RELCH: variants seen among roughly 807,000 people sequenced by gnomAD.
RELCH encodes the protein RAB11 binding and LisH domain, coiled-coil and HEAT repeat containing, also known as RAB11-binding protein RELCH.
RELCH carries 41 observed loss-of-function variants against 150.3 expected under a neutral mutation model. The ratio of observed to expected loss-of-function variants is 0.27; its 90% CI spans 0.21 to 0.35. The LOEUF (loss-of-function observed/expected upper bound fraction) is 0.35. Among genes scored for constraint, RELCH ranks in the 10% least tolerant of loss-of-function variants. RELCH has a pLI of 1.00. For missense variants in RELCH, 1,092 were observed against 1,467.8 expected (o/e 0.74, Z 4.18); for synonymous variants, 478 against 531.8 (o/e 0.90, Z 1.39).
At chr18:62,271,040 C>T (rs1294423185) in intron 20 of RELCH, among the ~76,000 whole-genome samples, 10 of 152,046 alleles carry the variant, frequency 6.6e-5, no homozygotes, top group East Asian at 1.9e-4. Context: ...TGAATAGTGC[C>T]GCAATAAACA....
At chr18:62,297,054 G>C (rs2045444632) in intron 27 of RELCH, among the ~76,000 whole-genome samples, 1 of 152,154 alleles carries the variant, frequency 6.6e-6, no homozygotes, top group Non-Finnish European at 1.5e-5. Context: ...TGAATAAGAG[G>C]AATAATTTAA....
chr18:62,221,006 C>T, intron 2 of RELCH, 31 bp from the exon 3 acceptor site: 2 of 1,560,130 alleles, frequency 1.3e-6, no homozygotes, highest in Non-Finnish European at 1.8e-6. Context: ...GGTTGGATGC[C>T]TGTGTGTGTT....
intron 20 of RELCH, among the ~76,000 whole-genome samples, chr18:62,270,423 G>A (rs1432194709): frequency 2.0e-5 from 3 of 152,124 alleles, no homozygotes; most frequent in Admixed American, 2.0e-4. Flanking sequence ...AACATATGAT[G>A]TGTCTCAAAG....
intron 2 of RELCH, among the ~76,000 whole-genome samples, chr18:62,219,352 T>C (rs1423983093): frequency 2.1e-5 from 3 of 145,516 alleles, no homozygotes; most frequent in Non-Finnish European, 4.5e-5. Flanking sequence ...CATATTTCTA[T>C]CATTCTGGCG....
intron 10 of RELCH, among the ~76,000 whole-genome samples, chr18:62,243,489 T>C (rs2042250733): frequency 6.6e-6 from 1 of 152,114 alleles, no homozygotes; most frequent in Non-Finnish European, 1.5e-5. Context: ...AGACTGAAAA[T>C]GGCAGAATAA....
chr18:62,298,886 G>A (rs2045539790), intron 28 of RELCH, 26 bp downstream of exon 28: 4 of 1,305,678 alleles, frequency 3.1e-6, no homozygotes, highest in African/African-American at 3.0e-5. Flanking sequence ...TTTTTTTAAG[G>A]CTACATGTTA....
intron 10 of RELCH, among the ~76,000 whole-genome samples, chr18:62,241,485 A>C (rs2042145558): frequency 6.6e-6 from 1 of 152,138 alleles, no homozygotes; most frequent in South Asian, 2.1e-4. Context: ...TCTTGGATCT[A>C]ATATTACCCA....
chr18:62,208,485 T>G (rs981747951), intron 1 of RELCH, among the ~76,000 whole-genome samples: 5 of 152,200 alleles, frequency 3.3e-5, no homozygotes, highest in African/African-American at 1.2e-4. Context: ...GAACGCAAAT[T>G]TATTACCTCA....
intron 22 of RELCH, among the ~76,000 whole-genome samples, chr18:62,278,132 A>C (rs1482437504): frequency 1.3e-5 from 2 of 152,178 alleles, no homozygotes; most frequent in Non-Finnish European, 2.9e-5. Flanking sequence ...TTCTAGCTTA[A>C]TAAAGAAATT....
intron 28 of RELCH, among the ~76,000 whole-genome samples, chr18:62,304,266 T>C (rs2045789649): frequency 1.3e-5 from 2 of 152,180 alleles, no homozygotes; most frequent in South Asian, 4.1e-4. Context: ...ATACTGAACC[T>C]TAGGGAAGAT....
intron 11 of RELCH, chr18:62,247,306 A>G (rs552696836): frequency 6.6e-6 from 1 of 152,302 alleles, no homozygotes; most frequent in East Asian, 1.9e-4. Context: ...ACAAGAACCA[A>G]AGAAACATTT....
In RELCH at chr18:62,261,667, C is replaced by T. The variant is rs372558952; in HGVS notation, c.2350+9C>T. The T allele has an allele frequency of 1.3e-4, 211 of 1,596,900 alleles. No homozygotes were observed. Among genetic ancestry groups the T allele is most frequent in the Non-Finnish European group, 1.7e-4 (201 of 1,172,060 alleles). ...AGTGCCACAGATAGAAGGTACTGAA[C>T]TTAAATTCTGGAAGAAAAATGTAGA... On this transcript the variant is annotated intron_variant, in intron 16 of 28. Transcript: ENST00000644646.
chr18:62,262,074 G>A (rs1007407178), intron 16 of RELCH, among the ~76,000 whole-genome samples: 11 of 151,810 alleles, frequency 7.2e-5, no homozygotes, highest in African/African-American at 2.7e-4. Context: ...TTTTAATAGA[G>A]GAAGGTAAAT....
rs17069686 is a variant in RELCH, at chr18:62,274,021, A to C, written c.2802A>C (p.Val934=). ...RKLLVGFLED[V]MTLLSLSHAP... ...TGTTAGTTGGATTCTTAGAAGATGT[A>C]ATGACGCTGCTTTCATTATCTCATG... Residue 934 remains valine, a synonymous_variant, in exon 21 of 29, where the codon GTA becomes GTC. Transcript: ENST00000644646. 106,711 of 1,611,998 alleles carry C rather than the reference A, an allele frequency of 0.066. 4,147 individuals are homozygous for C. Among genetic ancestry groups the C allele is most frequent in the Middle Eastern group, 0.15 (925 of 6,042 alleles).
At chr18:62,231,120 C>A in intron 8 of RELCH, 74 bp from the exon 9 acceptor site, 2 of 1,003,150 alleles carry the variant, frequency 2.0e-6, no homozygotes, top group Non-Finnish European at 3.1e-6. Context: ...AGTTATAATA[C>A]ATAACTTAAA....
At chr18:62,254,137 G>C (rs2042873350) in intron 12 of RELCH, among the ~76,000 whole-genome samples, 1 of 151,998 alleles carries the variant, frequency 6.6e-6, no homozygotes, top group Admixed American at 6.6e-5. Flanking sequence ...AAAGAAGCCA[G>C]CTGGGATTTT....
chr18:62,294,679 A>G (rs2045318053), intron 27 of RELCH, among the ~76,000 whole-genome samples: 7 of 152,162 alleles, frequency 4.6e-5, no homozygotes, highest in Admixed American at 4.6e-4. Flanking sequence ...TTAATTTTTT[A>G]ATAGTCAGAT....
In RELCH at chr18:62,264,161, C is replaced by A; in HGVS notation, c.2507+16C>A. 6.3e-7 allele frequency: 1 copy of A among 1,579,786 alleles called. No individual in the cohort carries two copies. The highest frequency in any genetic ancestry group is 1.9e-5 in the Admixed American group (1 of 53,974). On this transcript the variant is annotated intron_variant, in intron 17 of 28. Coordinates refer to ENST00000644646, the MANE Select transcript of RELCH (RefSeq NM_001346231.2). ...TCAATCAATTGTAAGTTACCACCTCCATATTAATTTGAATAGATGATAACT... is the reference window on the plus strand; with the variant it reads ...TCAATCAATTGTAAGTTACCACCTCAATATTAATTTGAATAGATGATAACT...
At chr18:62,244,718 T>A in intron 10 of RELCH, 46 bp from the exon 11 acceptor site, 1 of 1,199,008 alleles carries the variant, frequency 8.3e-7, no homozygotes, top group Non-Finnish European at 1.2e-6. Flanking sequence ...AAGAATATTC[T>A]GCAATGTGTT....
Sources: allele counts gnomAD v4.1 joint callset (sites outside exome capture counted in the v4.1 genomes callset), GRCh38; gene constraint gnomAD v4.1.1; transcripts MANE v1.5; gene names NCBI Gene and HGNC (gene_info 2026-07-23, HGNC 2026-07-21).